The following AGAP1 variants were observed in gnomAD, a reference collection of about 807,000 sequenced individuals.
The protein encoded by AGAP1 is ArfGAP with GTPase domain, ankyrin repeat and PH domain 1, also known as arf-GAP with GTPase, ANK repeat and PH domain-containing protein 1.
AGAP1 carries 29 observed loss-of-function variants against 105.3 expected under a neutral mutation model. That is an observed-to-expected ratio of 0.28 (90% confidence interval 0.21 to 0.38). The LOEUF (loss-of-function observed/expected upper bound fraction) is 0.38, where lower values mean the gene tolerates loss of function less well. AGAP1 is among the 10% of genes least tolerant of loss of function. AGAP1 has a pLI of 1.00. For synonymous variants in AGAP1, 509 were observed against 485.9 expected (o/e 1.05, Z -0.63); for missense variants, 998 against 1,165.1 (o/e 0.86, Z 2.09).
intron 6 of AGAP1, among the ~76,000 whole-genome samples, chr2:235,782,857 T>G (rs1002245013): frequency 6.6e-6 from 1 of 152,202 alleles, no homozygotes; most frequent in East Asian, 1.9e-4. Context: ...GTAAACCTAC[T>G]GATTGTGTTT....
chr2:236,124,292 TC>T lies in AGAP1; in HGVS notation c.*173del, dbSNP rs35912223. 313,943 of 755,154 alleles carry T rather than the reference TC, an allele frequency of 0.42. 73,199 individuals carry two copies. Among genetic ancestry groups the T allele is most frequent in the African/African-American group, 0.82 (45,959 of 55,944 alleles). The allele number at this position is 755,154 out of a possible 1,614,324, so 46.8% of individuals were successfully genotyped here. On this transcript the variant is annotated 3_prime_UTR_variant, in exon 18 of 18. Transcript: ENST00000304032. The surrounding 1 kb of genome is among the most constrained non-coding windows in gnomAD (Gnocchi z 5.1). ...CAAACAAAATCACAAAACCTGGACATCCCTCAAGGGGCGAAGAGGCGGCCGG... is the reference window on the plus strand; with the variant it reads ...CAAACAAAATCACAAAACCTGGACATCCTCAAGGGGCGAAGAGGCGGCCGG...
At chr2:235,946,408 G>A (rs910892394) in intron 12 of AGAP1, among the ~76,000 whole-genome samples, 1 of 151,154 alleles carries the variant, frequency 6.6e-6, no homozygotes, top group Non-Finnish European at 1.5e-5. Flanking sequence ...GACCTCAGGT[G>A]ATCCACCTGC....
At chr2:235,773,866 G>A (rs1181480794) in intron 6 of AGAP1, 1 of 440,930 alleles carries the variant, frequency 2.3e-6, no homozygotes, top group African/African-American at 2.1e-5. Context: ...CGAAAATATT[G>A]CCAACATTTA....
In AGAP1 at chr2:235,582,369, T is replaced by C. The variant is rs1944962421; in HGVS notation, c.163+87520T>C. ...CCCAAGACCAGGATTGCTTGTCCTT[T>C]GCAGTGTGCTGGACAGGAGCCACAC... On this transcript the variant is annotated intron_variant, in intron 1 of 17. Coordinates refer to ENST00000304032, the MANE Select transcript of AGAP1 (RefSeq NM_001037131.3). The surrounding 1 kb of genome is among the most constrained non-coding windows in gnomAD (Gnocchi z 4.7). Among the ~76,000 whole-genome samples, 1 of 152,174 alleles carries C rather than the reference T, an allele frequency of 6.6e-6. No individual in the cohort carries two copies. The highest frequency in any genetic ancestry group is 2.1e-4 in the South Asian group (1 of 4,822).
In AGAP1 at chr2:236,123,217, G is replaced by A. The variant is rs2059942000; in HGVS notation, c.2371-702G>A. 6.6e-6 allele frequency among the ~76,000 whole-genome samples: 1 copy of A among 152,174 alleles called. No homozygotes were observed. The highest frequency in any genetic ancestry group is 1.5e-5 in the Non-Finnish European group (1 of 68,032). ...GCCTCCTGCATAGCTGGGACCACAG[G>A]CATATGCCACGTGCCCAGCTAATTT... is the stretch of plus-strand genomic sequence containing the variant. On this transcript the variant is annotated intron_variant, in intron 17 of 17. Coordinates refer to ENST00000304032, the MANE Select transcript of AGAP1 (RefSeq NM_001037131.3). This position sits in a 1 kb window ranked among gnomAD's most constrained non-coding sequence, Gnocchi z 4.6.
In AGAP1 at chr2:235,546,461, C is replaced by G. The variant is rs575551660; in HGVS notation, c.163+51612C>G. Among the ~76,000 whole-genome samples the G allele has an allele frequency of 2.0e-5, 3 of 152,268 alleles. No homozygotes were observed. In the East Asian group the frequency reaches 5.8e-4, roughly 29 times the overall value. On this transcript the variant is annotated intron_variant, in intron 1 of 17. Coordinates refer to ENST00000304032, the MANE Select transcript of AGAP1 (RefSeq NM_001037131.3). ...CTCTTGGTGGTTCCTGGCGTCCTAT[C>G]AAGAGAAGGAATTATGGCCCCAGAG...
rs1352627324 is a variant in AGAP1, at chr2:235,789,888, C to T, written c.674-7871C>T. On this transcript the variant is annotated intron_variant, in intron 6 of 17. Coordinates refer to ENST00000304032, the MANE Select transcript of AGAP1 (RefSeq NM_001037131.3). The surrounding 1 kb of genome is among the most constrained non-coding windows in gnomAD (Gnocchi z 4.2). ...GAAGAGCATTTCCTATTTACACACC[C>T]CTAAGTTAAATTTATGACCTGTTTA... 2.0e-5 allele frequency among the ~76,000 whole-genome samples: 3 copies of T among 152,132 alleles called. No homozygotes were observed. The highest frequency in any genetic ancestry group is 7.2e-5 in the African/African-American group (3 of 41,428).
At position 235,788,510 on chromosome 2, in the gene AGAP1, C is replaced by T. The variant is rs1391835651; in HGVS notation, c.674-9249C>T. On this transcript the variant is annotated intron_variant, in intron 6 of 17. Transcript: ENST00000304032. The surrounding 1 kb of genome is among the most constrained non-coding windows in gnomAD (Gnocchi z 6.0). ...GAGAGGAGTGGGAGGGTAGGTGAGG[C>T]GGGGTGAGGAGAGGATTGGGAGGCA... 1.4e-5 allele frequency among the ~76,000 whole-genome samples: 2 copies of T among 147,254 alleles called. No individual in the cohort carries two copies. The highest frequency in any genetic ancestry group is 2.5e-5 in the African/African-American group (1 of 39,456).
rs2125699424 is a variant in AGAP1, at chr2:236,046,104, C to CA, written c.1892-2954dup. The CA allele has an allele frequency of 2.2e-6, 1 of 452,242 alleles. No homozygotes were observed. The highest frequency in any genetic ancestry group is 4.7e-6 in the Non-Finnish European group (1 of 213,618). The allele number at this position is 452,242 out of a possible 1,614,324, so 28.0% of individuals were successfully genotyped here. A position where few individuals can be genotyped will look rare whatever the true frequency, so the allele number is the denominator to read the frequency against. On this transcript the variant is annotated intron_variant, in intron 15 of 17. Coordinates refer to ENST00000304032, the MANE Select transcript of AGAP1 (RefSeq NM_001037131.3). The surrounding 1 kb of genome is among the most constrained non-coding windows in gnomAD (Gnocchi z 5.2). Reference sequence around the variant, plus strand: ...CTTCTGTATCTGCAACCCACAGCGGCATGGAGGGCGGTGGGGTGGGCATAG... The same window carrying CA: ...CTTCTGTATCTGCAACCCACAGCGGCAATGGAGGGCGGTGGGGTGGGCATAG...
chr2:235,808,606 C>G (rs1296150413), intron 9 of AGAP1, among the ~76,000 whole-genome samples: 1 of 152,172 alleles, frequency 6.6e-6, no homozygotes, highest in Non-Finnish European at 1.5e-5. Context: ...CACAGCGTAA[C>G]CGACCCTGCC....
intron 1 of AGAP1, among the ~76,000 whole-genome samples, chr2:235,571,928 C>T: frequency 1.3e-5 from 1 of 77,614 alleles, no homozygotes. Flanking sequence ...GTCTTGCCCA[C>T]ACTTTGTGTG....
Position 235,663,344 on chromosome 2 carries a change from T to C in AGAP1, c.164-45835T>C, listed in dbSNP as rs1948024888. 6.6e-6 allele frequency among the ~76,000 whole-genome samples: 1 copy of C among 152,126 alleles called. No individual in the cohort carries two copies. The highest frequency in any genetic ancestry group is 2.4e-5 in the African/African-American group (1 of 41,438). On this transcript the variant is annotated intron_variant, in intron 1 of 17. Coordinates refer to ENST00000304032, the MANE Select transcript of AGAP1 (RefSeq NM_001037131.3). This position sits in a 1 kb window ranked among gnomAD's most constrained non-coding sequence, Gnocchi z 5.4. ...GAAGGGGAGCGATCACGTGCATCCC[T>C]CTGCTGAGATGGGAGCAGCAGCGTG...
chr2:235,803,007 G>GTGATGGTGATGA (rs1575506581), intron 8 of AGAP1, among the ~76,000 whole-genome samples: 2 of 7,742 alleles, frequency 2.6e-4, no homozygotes, highest in Non-Finnish European at 4.0e-4. Context: ...GGTGATGGTT[G>GTGATGGTGATGA]TGGTTGTGAT....
intron 10 of AGAP1, among the ~76,000 whole-genome samples, chr2:235,890,162 C>CTTTTTTT (rs3059035): frequency 5.2e-4 from 69 of 132,468 alleles, no homozygotes; most frequent in Middle Eastern, 4.0e-3. Flanking sequence ...TAGTTATTCC[C>CTTTTTTT]TTTTTTTTTT....
At chr2:235,763,057 TGC>T (rs1553625039) in intron 6 of AGAP1, among the ~76,000 whole-genome samples, 6 of 107,004 alleles carry the variant, frequency 5.6e-5, no homozygotes, top group South Asian at 5.0e-4. Flanking sequence ...TGTGTATGTG[TGC>T]GCGCGCGCGC....
At chr2:235,526,426 C>T (rs1037033238) in intron 1 of AGAP1, among the ~76,000 whole-genome samples, 3 of 152,174 alleles carry the variant, frequency 2.0e-5, no homozygotes, top group Admixed American at 6.5e-5. Flanking sequence ...CTGTCTCTTC[C>T]GATGACTTCC....
chr2:235,985,329 T>C (rs2055268405), intron 13 of AGAP1, among the ~76,000 whole-genome samples: 1 of 152,206 alleles, frequency 6.6e-6, no homozygotes, highest in Admixed American at 6.5e-5. Context: ...GTTTAAGTTC[T>C]TTGTGGATTC....
intron 13 of AGAP1, among the ~76,000 whole-genome samples, chr2:235,997,676 C>T (rs1012389449): frequency 6.6e-6 from 1 of 152,162 alleles, no homozygotes; most frequent in Non-Finnish European, 1.5e-5. Flanking sequence ...AGCTTCTCAG[C>T]CACTCCAGCT....
chr2:235,592,907 A>G (rs564512385), intron 1 of AGAP1, among the ~76,000 whole-genome samples: 2 of 152,216 alleles, frequency 1.3e-5, no homozygotes, highest in East Asian at 1.9e-4. Context: ...TGTCTCAGGG[A>G]GACACCTGGC....
Sources: gnomAD v4.1 joint callset for allele counts (sites outside exome capture counted in the v4.1 genomes callset) on GRCh38, gnomAD v4.1.1 for gene constraint, Gnocchi (gnomAD v3.1) non-coding constraint, MANE v1.5 for transcripts, NCBI Gene and HGNC (gene_info 2026-07-23, HGNC 2026-07-21) for gene names.